Variants in ILDR2 observed in about 807,000 individuals in gnomAD.
ILDR2 encodes immunoglobulin like domain containing receptor 2, also known as immunoglobulin-like domain-containing receptor 2.
A neutral mutation model predicts 66.8 loss-of-function variants in ILDR2; 25 were observed. That is an observed-to-expected ratio of 0.37 (90% confidence interval 0.27 to 0.52). The LOEUF (loss-of-function observed/expected upper bound fraction) is 0.52, where lower values mean the gene tolerates loss of function less well. ILDR2 is among the 20% of genes least tolerant of loss of function. The pLI is 0.88. For missense variants in ILDR2, 827 were observed against 876.8 expected (o/e 0.94, Z 0.72); for synonymous variants, 367 against 357.2 (o/e 1.03, Z -0.31).
chr1:166,942,165 G>A (rs1661348434), intron 3 of ILDR2, among the ~76,000 whole-genome samples: 1 of 152,220 alleles, frequency 6.6e-6, no homozygotes, highest in African/African-American at 2.4e-5. Context: ...TTATGCCTAT[G>A]GTCCAGGTGT....
At position 166,919,395 on chromosome 1, in the gene ILDR2, G is replaced by A. The variant is rs780336274; in HGVS notation, c.1885-5C>T. 2.5e-6 allele frequency: 4 copies of A among 1,603,810 alleles called. No individual in the cohort carries two copies. Among genetic ancestry groups the A allele is most frequent in the Admixed American group, 3.4e-5 (2 of 59,554 alleles). On this transcript the variant is annotated splice_polypyrimidine_tract_variant and splice_region_variant and intron_variant, in intron 9 of 9. Transcript: ENST00000271417. ...CATCCTGGTTGGAAAGTCATTCTAG[G>A]AAAGAGCAGAAAGAGCCCAACATTA... is the stretch of plus-strand genomic sequence containing the variant.
intron 1 of ILDR2, among the ~76,000 whole-genome samples, chr1:166,962,770 C>A (rs1469464716): frequency 1.3e-5 from 2 of 152,160 alleles, no homozygotes; most frequent in African/African-American, 2.4e-5. Context: ...GTACCAAGAA[C>A]AAGTACTTCT....
intron 3 of ILDR2, among the ~76,000 whole-genome samples, chr1:166,955,294 C>T (rs1395057265): frequency 6.6e-6 from 1 of 152,120 alleles, no homozygotes; most frequent in African/African-American, 2.4e-5. Flanking sequence ...CCATTATCAC[C>T]TTAATCCAAT....
chr1:166,936,674 C>G lies in ILDR2; in HGVS notation c.620G>C (p.Cys207Ser), dbSNP rs1232920311. 1 of 1,614,082 alleles carries G rather than the reference C, an allele frequency of 6.2e-7. No individual in the cohort carries two copies. The highest frequency in any genetic ancestry group is 2.2e-5 in the East Asian group (1 of 44,858). The change falls in exon 5 of 10, where the codon TGC becomes TCC. Residue 207 changes from cysteine (C) to serine (S), a missense_variant. Transcript: ENST00000271417. This position sits in a 1 kb window ranked among gnomAD's most constrained non-coding sequence, Gnocchi z 5.0. ...GCTGTGAGGGCAGCACTGGCACCAG[C>G]AGATCCCCACCAGGACGAAGAAGAG... The part of the protein sequence containing the change: ...VFLFFVLVGI[C>S]WCQCCPHSCC...
At chr1:166,929,307 GCTTT>G (rs1660491180) in intron 6 of ILDR2, among the ~76,000 whole-genome samples, 1 of 152,144 alleles carries the variant, frequency 6.6e-6, no homozygotes, top group African/African-American at 2.4e-5. Flanking sequence ...CAGCCAAAGG[GCTTT>G]CTTTGATTCT....
chr1:166,928,215 A>C (rs112123320), intron 6 of ILDR2, among the ~76,000 whole-genome samples: 1 of 152,208 alleles, frequency 6.6e-6, no homozygotes, highest in Non-Finnish European at 1.5e-5. Flanking sequence ...GAACCACCTA[A>C]AACAGTACTG....
rs1014223703 is a variant in ILDR2, at chr1:166,914,513, T to C, written c.*4842A>G. The C allele has an allele frequency of 6.6e-6, 1 of 152,262 alleles. No individual in the cohort carries two copies. Among genetic ancestry groups the C allele is most frequent in the Admixed American group, 6.5e-5 (1 of 15,284 alleles). The allele number at this position is 152,262 out of a possible 1,614,324, so 9.4% of individuals were successfully genotyped here. ...GAGACCACAACATCTGCCCTGCCTC[T>C]ATCACAGCAGTTGATGTTGGGATCA... On this transcript the variant is annotated 3_prime_UTR_variant, in exon 10 of 10. Coordinates refer to ENST00000271417, the MANE Select transcript of ILDR2 (RefSeq NM_199351.3).
intron 6 of ILDR2, among the ~76,000 whole-genome samples, chr1:166,935,024 C>T (rs1660861468): frequency 6.6e-6 from 1 of 152,188 alleles, no homozygotes; most frequent in Non-Finnish European, 1.5e-5. Context: ...TATTTGCTAA[C>T]TGAATAATCA....
downstream of ILDR2, chr1:166,906,907 G>C (rs575843563): frequency 6.6e-6 from 1 of 152,500 alleles, no homozygotes; most frequent in South Asian, 2.1e-4. Context: ...TGGACCTAGG[G>C]GGCCCAGCCA....
intron 4 of ILDR2, 39 bp downstream of exon 4, chr1:166,939,475 C>G: frequency 6.4e-7 from 1 of 1,555,082 alleles, no homozygotes; most frequent in Non-Finnish European, 8.9e-7. Flanking sequence ...GATGGAATAA[C>G]AGCAAATCAA....
At chr1:166,964,006 A>C (rs1370557664) in intron 1 of ILDR2, among the ~76,000 whole-genome samples, 1 of 152,176 alleles carries the variant, frequency 6.6e-6, no homozygotes, top group Non-Finnish European at 1.5e-5. Context: ...CCTATAAACT[A>C]AAGCAGGTAT....
Position 166,958,016 on chromosome 1 carries a change from G to T in ILDR2, c.132C>A (p.Phe44Leu), listed in dbSNP as rs1211482518. ...LFQPTVLRCH[F>L]STSSHQPAVV... is the part of the protein sequence containing the mutation. Reference sequence around the variant, plus strand: ...CTGCAGGCTGATGGGAGGATGTTGAGAAGTGGCAGCGAAGCACAGTGGGCT... The same window carrying T: ...CTGCAGGCTGATGGGAGGATGTTGATAAGTGGCAGCGAAGCACAGTGGGCT... The change falls in exon 2 of 10, where the codon TTC becomes TTA. Residue 44 changes from phenylalanine (F) to leucine (L), a missense_variant. Physicochemically the swap from Phe to Leu is conservative, Grantham distance 22. This residue lies in a region of ILDR2 where 437 missense variants were observed against 523.2 expected (regional missense o/e 0.84). Coordinates refer to ENST00000271417, the MANE Select transcript of ILDR2 (RefSeq NM_199351.3). 3.1e-6 allele frequency: 5 copies of T among 1,614,050 alleles called. No homozygotes were observed. In the South Asian group the frequency reaches 5.5e-5, roughly 18 times the overall value.
chr1:166,962,188 A>AC (rs1373562094), intron 1 of ILDR2, among the ~76,000 whole-genome samples: 1 of 151,522 alleles, frequency 6.6e-6, no homozygotes, highest in East Asian at 1.9e-4. Context: ...GTTTATCGGG[A>AC]CCCCCATTCC....
At chr1:166,958,197 G>T in intron 1 of ILDR2, 96 bp from the exon 2 acceptor site, 1 of 1,009,626 alleles carries the variant, frequency 9.9e-7, no homozygotes, top group Non-Finnish European at 1.5e-6. Flanking sequence ...TCCCTAACTT[G>T]TGTCCCCTCA....
In ILDR2 at chr1:166,921,069, C is replaced by T. The variant is rs1218222224; in HGVS notation, c.1522G>A (p.Ala508Thr). ...CGGCTCACCAGCCGCGGCAGGTGCG[C>T]GTCCTCGGCGGGTCTGCGGCGCGCG... is the stretch of plus-strand genomic sequence containing the variant. The part of the protein sequence containing the change: ...SPARRRPAED[A>T]HLPRLVSRTP... Residue 508 changes from alanine (A) to threonine (T), a missense_variant, in exon 9 of 10, where the codon GCG becomes ACG. By Grantham distance (58) the Ala-to-Thr change is moderately conservative (BLOSUM62 0). Coordinates refer to ENST00000271417, the MANE Select transcript of ILDR2 (RefSeq NM_199351.3). The surrounding 1 kb of genome is among the most constrained non-coding windows in gnomAD (Gnocchi z 5.3). 2 of 1,489,730 alleles carry T rather than the reference C, an allele frequency of 1.3e-6. No homozygotes were observed. Among genetic ancestry groups the T allele is most frequent in the East Asian group, 2.7e-5 (1 of 36,550 alleles). The allele number at this position is 1,489,730 out of a possible 1,614,324, so 92.3% of individuals were successfully genotyped here.
downstream of ILDR2, among the ~76,000 whole-genome samples, chr1:166,904,885 G>A (rs1365894838): frequency 6.6e-6 from 1 of 152,128 alleles, no homozygotes; most frequent in East Asian, 1.9e-4. Flanking sequence ...GTACACAGTA[G>A]GGCATCTTGT....
At position 166,916,918 on chromosome 1, in the gene ILDR2, C is replaced by A. The variant is rs1252200064; in HGVS notation, c.*2437G>T. ...AAAACATTATTTTTGGTCTCTGCAGCTGGTGCTATGAGGCTCTTTGGTGGT... is the reference window on the plus strand; with the variant it reads ...AAAACATTATTTTTGGTCTCTGCAGATGGTGCTATGAGGCTCTTTGGTGGT... On this transcript the variant is annotated 3_prime_UTR_variant, in exon 10 of 10. Transcript: ENST00000271417. The A allele has an allele frequency of 6.6e-6, 1 of 152,202 alleles. No homozygotes were observed. The highest frequency in any genetic ancestry group is 1.5e-5 in the Non-Finnish European group (1 of 68,050). The allele number at this position is 152,202 out of a possible 1,614,324, so 9.4% of individuals were successfully genotyped here.
chr1:166,965,628 A>C (rs1662905791), intron 1 of ILDR2, among the ~76,000 whole-genome samples: 2 of 140,420 alleles, frequency 1.4e-5, no homozygotes, highest in Admixed American at 1.5e-4. Context: ...GCTGGAGTGC[A>C]GTGGCACCAC....
intron 3 of ILDR2, among the ~76,000 whole-genome samples, chr1:166,943,461 C>T (rs1393469103): frequency 6.9e-6 from 1 of 144,942 alleles, no homozygotes; most frequent in African/African-American, 2.6e-5. Flanking sequence ...CACTGCACTC[C>T]AGCCTGGGCG....
Sources: gnomAD v4.1 joint callset for allele counts (sites outside exome capture counted in the v4.1 genomes callset) on GRCh38, gnomAD v4.1.1 for gene constraint, gnomAD v4.1.1 regional missense constraint, Gnocchi (gnomAD v3.1) non-coding constraint, MANE v1.5 for transcripts, NCBI Gene and HGNC (gene_info 2026-07-23, HGNC 2026-07-21) for gene names.